The following CERT1 variants were observed in gnomAD, a reference collection of about 807,000 sequenced individuals.
CERT1 encodes the protein ceramide transporter 1, also known as ceramide transfer protein.
CERT1 carries 31 observed loss-of-function variants against 87.9 expected under a neutral mutation model. That is an observed-to-expected ratio of 0.35 (90% CI 0.27 to 0.48). The LOEUF is 0.48. Ranked by LOEUF, CERT1 falls within the 20% of genes least tolerant of loss-of-function variation. The probability of loss-of-function intolerance (pLI) is 0.99; values close to 1 mark genes in which losing one functional copy is unlikely to be tolerated. For missense variants in CERT1, 487 were observed against 758.0 expected (o/e 0.64, Z 4.20); for synonymous variants, 289 against 250.9 (o/e 1.15, Z -1.44).
At chr5:75,403,731 T>C (rs1395465625) in intron 8 of CERT1, among the ~76,000 whole-genome samples, 1 of 152,226 alleles carries the variant, frequency 6.6e-6, no homozygotes, top group Admixed American at 6.5e-5. Context: ...ATAATGGCCA[T>C]CAATCACTTG....
chr5:75,477,402 G>A (rs1368609744), intron 2 of CERT1, among the ~76,000 whole-genome samples: 1 of 151,634 alleles, frequency 6.6e-6, no homozygotes, highest in Non-Finnish European at 1.5e-5. Flanking sequence ...CGGTAAAATT[G>A]GTTAGGTTTT....
At chr5:75,372,153 A>AT (rs1359821679) in intron 17 of CERT1, 1 of 152,248 alleles carries the variant, frequency 6.6e-6, no homozygotes, top group African/African-American at 2.4e-5. Flanking sequence ...TAAACTTGCC[A>AT]TACTTCTGTA....
At chr5:75,493,367 C>G (rs966544321) in intron 2 of CERT1, among the ~76,000 whole-genome samples, 4 of 152,148 alleles carry the variant, frequency 2.6e-5, no homozygotes, top group Admixed American at 6.5e-5. Context: ...TTTAAAACAA[C>G]AAGAGGTAAA....
At chr5:75,405,668 G>A (rs1315177802) in intron 8 of CERT1, among the ~76,000 whole-genome samples, 13 of 152,154 alleles carry the variant, frequency 8.5e-5, no homozygotes, top group Middle Eastern at 6.8e-3. Context: ...TTTGATTTAT[G>A]TGGTTTATAT....
At chr5:75,401,875 T>C (rs1260586373) in intron 9 of CERT1, 7 of 152,174 alleles carry the variant, frequency 4.6e-5, no homozygotes. Context: ...AACTGACACA[T>C]ACATGATTAT....
intron 4 of CERT1, 125 bp from the exon 5 acceptor site, chr5:75,425,624 C>T (rs907436083): frequency 3.7e-5 from 30 of 811,458 alleles, no homozygotes; most frequent in Admixed American, 2.8e-4. Context: ...ATAAGGAGAG[C>T]TGTCTAGTTC....
chr5:75,374,865 G>C, downstream of CERT1: 1 of 433,098 alleles, frequency 2.3e-6, no homozygotes, highest in Non-Finnish European at 4.5e-6. Context: ...AAATAAAATG[G>C]AAATTGTACT....
At chr5:75,397,395 G>A (rs1762298422) in intron 11 of CERT1, among the ~76,000 whole-genome samples, 1 of 152,136 alleles carries the variant, frequency 6.6e-6, no homozygotes, top group Admixed American at 6.6e-5. Context: ...GAAGAAGTAA[G>A]CTGTCAGCAA....
At chr5:75,407,496 A>G (rs1487806864) in intron 8 of CERT1, among the ~76,000 whole-genome samples, 3 of 151,606 alleles carry the variant, frequency 2.0e-5, no homozygotes, top group African/African-American at 4.8e-5. Context: ...GGCAAATTCT[A>G]TACATCTTCT....
chr5:75,385,255 C>G (rs1761737645), intron 13 of CERT1, among the ~76,000 whole-genome samples: 1 of 151,994 alleles, frequency 6.6e-6, no homozygotes, highest in African/African-American at 2.4e-5. Flanking sequence ...GGTGGAACAC[C>G]TGAGGTCAGG....
At position 75,499,484 on chromosome 5, in the gene CERT1, G is replaced by A. The variant is rs182055185; in HGVS notation, c.231+6498C>T. 8.5e-4 allele frequency among the ~76,000 whole-genome samples: 130 copies of A among 152,144 alleles called. 2 individuals are homozygous for A. Among genetic ancestry groups the A allele is most frequent in the Non-Finnish European group, 5.6e-4 (38 of 67,998 alleles). On this transcript the variant is annotated intron_variant, in intron 2 of 16. Coordinates refer to ENST00000643780, the MANE Select transcript of CERT1 (RefSeq NM_001379029.1). ...CCTGGTTTGCATTCTCTCTCCTGCC[G>A]CCCTGGGAAGAAGTGCCTTCTGCCA... is the stretch of plus-strand genomic sequence containing the variant.
At chr5:75,443,032 T>C (rs1389885760) in intron 3 of CERT1, among the ~76,000 whole-genome samples, 1 of 152,158 alleles carries the variant, frequency 6.6e-6, no homozygotes, top group Non-Finnish European at 1.5e-5. Context: ...TTGGAACATA[T>C]ACCCTTGTGA....
At chr5:75,445,070 C>G (rs942438947) in intron 3 of CERT1, among the ~76,000 whole-genome samples, 1 of 152,148 alleles carries the variant, frequency 6.6e-6, no homozygotes, top group Admixed American at 6.5e-5. Flanking sequence ...AAAATTACAT[C>G]TTTATATTCT....
chr5:75,471,212 T>C (rs1765692258), intron 2 of CERT1, among the ~76,000 whole-genome samples: 1 of 152,180 alleles, frequency 6.6e-6, no homozygotes, highest in Non-Finnish European at 1.5e-5. Flanking sequence ...CAGCTATACA[T>C]ATCTAGATGG....
intron 5 of CERT1, among the ~76,000 whole-genome samples, chr5:75,420,975 G>T (rs112924264): frequency 3.7e-4 from 57 of 152,168 alleles, no homozygotes; most frequent in African/African-American, 8.9e-4. Flanking sequence ...CACACCACCA[G>T]CCCAGCTAAT....
intron 1 of CERT1, among the ~76,000 whole-genome samples, chr5:75,509,667 C>T (rs1767825685): frequency 2.0e-5 from 3 of 152,016 alleles, no homozygotes; most frequent in African/African-American, 7.2e-5. Flanking sequence ...GTCAAAAGTA[C>T]AATTTGTTTC....
chr5:75,470,859 G>A (rs1020207758), intron 2 of CERT1, among the ~76,000 whole-genome samples: 3 of 151,808 alleles, frequency 2.0e-5, no homozygotes, highest in Admixed American at 6.6e-5. Flanking sequence ...CCAAAATACC[G>A]TCAGAACTAA....
chr5:75,462,011 C>T (rs1284984239), intron 2 of CERT1, among the ~76,000 whole-genome samples: 1 of 152,066 alleles, frequency 6.6e-6, no homozygotes, highest in African/African-American at 2.4e-5. Context: ...TGATATTTTG[C>T]TCATTATACA....
chr5:75,489,395 A>C (rs1766670841), intron 2 of CERT1, among the ~76,000 whole-genome samples: 1 of 152,258 alleles, frequency 6.6e-6, no homozygotes, highest in Non-Finnish European at 1.5e-5. Context: ...AAATTGACAA[A>C]TGGGATCTAA....
Sources: gnomAD v4.1 joint callset for allele counts (sites outside exome capture counted in the v4.1 genomes callset) on GRCh38, gnomAD v4.1.1 for gene constraint, MANE v1.5 for transcripts, NCBI Gene and HGNC (gene_info 2026-07-23, HGNC 2026-07-21) for gene names.